The following MEMO1 variants were observed in gnomAD, a reference collection of about 807,000 sequenced individuals.
MEMO1 encodes mediator of cell motility 1.
Under a neutral mutation model 45.2 loss-of-function variants are expected in MEMO1, and 6 were observed. The ratio of observed to expected loss-of-function variants is 0.13; its 90% CI spans 0.07 to 0.26. The LOEUF is 0.26. Ranked by LOEUF, MEMO1 falls within the 10% of genes least tolerant of loss-of-function variation. The pLI is 1.00. For missense variants in MEMO1, 184 were observed against 370.5 expected (o/e 0.50, Z 4.13); for synonymous variants, 78 against 124.3 (o/e 0.63, Z 2.48).
chr2:31,976,221 C>T (rs907645351), intron 2 of MEMO1, among the ~76,000 whole-genome samples: 1 of 152,080 alleles, frequency 6.6e-6, no homozygotes, highest in African/African-American at 2.4e-5. Flanking sequence ...CACAAAAAAG[C>T]TAAACTTAAA....
chr2:31,921,562 A>AT (rs1374673633), intron 4 of MEMO1, among the ~76,000 whole-genome samples: 1 of 152,190 alleles, frequency 6.6e-6, no homozygotes, highest in African/African-American at 2.4e-5. Context: ...CAGAAGCTGT[A>AT]TTTTATTAAA....
chr2:31,980,092 TA>T (rs1670464358), intron 2 of MEMO1, among the ~76,000 whole-genome samples: 1 of 151,868 alleles, frequency 6.6e-6, no homozygotes, highest in South Asian at 2.1e-4. Flanking sequence ...GAACGGAAAC[TA>T]ATGACTAAAT....
At position 31,932,009 on chromosome 2, in the gene MEMO1, A is replaced by G. The variant is rs375610194; in HGVS notation, c.212+58T>C. ...TAAGTATAAAAAGCAAATTACTTCT[A>G]TAACAAAGCAATAAATTCTCAAGCT... On this transcript the variant is annotated intron_variant, in intron 4 of 9. Coordinates refer to ENST00000404530, the MANE Select transcript of MEMO1 (RefSeq NM_001301833.4). 3.3e-3 allele frequency: 4,792 copies of G among 1,455,134 alleles called. 13 individuals are homozygous for G. Among genetic ancestry groups the G allele is most frequent in the Non-Finnish European group, 4.3e-3 (4,498 of 1,045,024 alleles). 90.1% of individuals were successfully genotyped at this position (1,455,134 alleles called of 1,614,324 possible).
intron 2 of MEMO1, among the ~76,000 whole-genome samples, chr2:31,994,975 A>G (rs1672406698): frequency 7.9e-6 from 1 of 127,274 alleles, no homozygotes; most frequent in South Asian, 2.9e-4. Context: ...AGAGGGAGAG[A>G]GGAAGGGAGG....
intron 8 of MEMO1, among the ~76,000 whole-genome samples, chr2:31,874,636 T>C (rs1194529064): frequency 6.6e-6 from 1 of 151,992 alleles, no homozygotes; most frequent in African/African-American, 2.4e-5. Context: ...ACAGATGTAA[T>C]CTAAAATTTT....
At chr2:31,931,917 C>A in intron 4 of MEMO1, 150 bp downstream of exon 4, 1 of 571,456 alleles carries the variant, frequency 1.7e-6, no homozygotes, top group East Asian at 3.0e-5. Context: ...TTTTCAGTAA[C>A]CTATACAAAG....
intron 3 of MEMO1, among the ~76,000 whole-genome samples, chr2:31,939,689 A>C (rs1044139798): frequency 6.6e-6 from 1 of 152,202 alleles, no homozygotes; most frequent in African/African-American, 2.4e-5. Context: ...CTAATCAAGG[A>C]TCCCTCTTAG....
intron 2 of MEMO1, among the ~76,000 whole-genome samples, chr2:31,982,607 AG>A (rs1388105229): frequency 3.3e-5 from 5 of 149,590 alleles, no homozygotes; most frequent in Admixed American, 1.3e-4. Flanking sequence ...AAAAAAAAAA[AG>A]ATACGTATGA....
At chr2:31,969,586 G>GTGTGTGTGTGT (rs1669090004) in intron 2 of MEMO1, among the ~76,000 whole-genome samples, 5 of 119,228 alleles carry the variant, frequency 4.2e-5, no homozygotes, top group African/African-American at 1.6e-4. Flanking sequence ...TGTGTGTGTG[G>GTGTGTGTGTGT]GTGTGTGTGT....
At chr2:31,928,611 A>G (rs2148229079) in intron 4 of MEMO1, among the ~76,000 whole-genome samples, 1 of 152,062 alleles carries the variant, frequency 6.6e-6, no homozygotes, top group South Asian at 2.1e-4. Flanking sequence ...GTCCTATTAT[A>G]AATCAAAGAA....
At chr2:31,971,957 G>A (rs1044798353) in intron 2 of MEMO1, among the ~76,000 whole-genome samples, 1 of 151,962 alleles carries the variant, frequency 6.6e-6, no homozygotes, top group Admixed American at 6.6e-5. Context: ...CCGTCAGAGC[G>A]AGACTCTGTC....
At chr2:31,888,806 T>G (rs569974035) in intron 7 of MEMO1, among the ~76,000 whole-genome samples, 3 of 152,118 alleles carry the variant, frequency 2.0e-5, no homozygotes, top group Admixed American at 1.3e-4. Flanking sequence ...TTTGGGGAAC[T>G]CAAATGAGGG....
intron 2 of MEMO1, among the ~76,000 whole-genome samples, chr2:31,961,736 C>G (rs1668031934): frequency 2.0e-5 from 3 of 151,808 alleles, no homozygotes; most frequent in Admixed American, 2.0e-4. Flanking sequence ...CAAGATCGTG[C>G]TACTATACTG....
At chr2:31,875,299 G>C (rs967425611) in intron 8 of MEMO1, among the ~76,000 whole-genome samples, 1 of 152,104 alleles carries the variant, frequency 6.6e-6, no homozygotes, top group Non-Finnish European at 1.5e-5. Context: ...TGCAAACTTA[G>C]AAGTCAACCT....
intron 3 of MEMO1, among the ~76,000 whole-genome samples, chr2:31,935,854 T>C (rs1664860494): frequency 6.6e-6 from 1 of 152,236 alleles, no homozygotes; most frequent in Admixed American, 6.5e-5. Context: ...GCTAAAGTTT[T>C]TTCTTTTGTG....
At chr2:31,973,602 G>C (rs993453980) in intron 2 of MEMO1, among the ~76,000 whole-genome samples, 2 of 152,108 alleles carry the variant, frequency 1.3e-5, no homozygotes, top group African/African-American at 4.8e-5. Context: ...AACAAAATGT[G>C]TTATATACAT....
chr2:31,962,691 T>C (rs1256322020), intron 2 of MEMO1, among the ~76,000 whole-genome samples: 3 of 152,210 alleles, frequency 2.0e-5, no homozygotes, highest in Admixed American at 2.0e-4. Context: ...CAAAGTGTTT[T>C]CATCATCAAA....
intron 6 of MEMO1, among the ~76,000 whole-genome samples, chr2:31,914,752 A>C (rs1681162602): frequency 6.6e-6 from 1 of 151,276 alleles, no homozygotes. Flanking sequence ...CCAGGAGGTC[A>C]AGATCAGCCT....
At chr2:31,990,476 A>C (rs1026205743) in intron 2 of MEMO1, among the ~76,000 whole-genome samples, 1 of 151,496 alleles carries the variant, frequency 6.6e-6, no homozygotes, top group Non-Finnish European at 1.5e-5. Context: ...TTTTGAGACA[A>C]GGTCTGGCTC....
Sources: gnomAD v4.1 joint callset for allele counts (sites outside exome capture counted in the v4.1 genomes callset) on GRCh38, gnomAD v4.1.1 for gene constraint, MANE v1.5 for transcripts, NCBI Gene and HGNC (gene_info 2026-07-23, HGNC 2026-07-21) for gene names.